ARHGEF38: variants seen among roughly 807,000 people sequenced by gnomAD.
ARHGEF38 encodes Rho guanine nucleotide exchange factor (GEF) 38.
Under a neutral mutation model 79.9 loss-of-function variants are expected in ARHGEF38, and 79 were observed. The observed-to-expected ratio is 0.99, with a 90% confidence interval of 0.82 to 1.19. The LOEUF is 1.19. Ranked by LOEUF, ARHGEF38 falls within the 50% of genes most tolerant of loss-of-function variation. The pLI, the probability that ARHGEF38 is intolerant of heterozygous loss-of-function variation, is 0.00. For synonymous variants in ARHGEF38, 366 were observed against 328.3 expected (o/e 1.11, Z -1.24); for missense variants, 962 against 907.2 (o/e 1.06, Z -0.78).
At chr4:105,630,423 T>C (rs1729134984) in intron 3 of ARHGEF38, among the ~76,000 whole-genome samples, 1 of 152,016 alleles carries the variant, frequency 6.6e-6, no homozygotes, top group African/African-American at 2.4e-5. Flanking sequence ...TTTGTATTTT[T>C]AGTAGAGACG....
Position 105,667,320 on chromosome 4 carries a change from C to T in ARHGEF38, c.1881C>T (p.Asp627=), listed in dbSNP as rs1730787692. The change falls in exon 12 of 14, where the codon GAC becomes GAT. Residue 627 remains aspartate, a synonymous_variant. Transcript: ENST00000420470. ...GGAGTACAAGCAGGTGGCTTGTGGA[C>T]ACAGGAAGTAAGTTTTTCCCCAGAA... is the stretch of plus-strand genomic sequence containing the variant. ...PLGSTSRWLV[D]TGNVKGYVYS... The T allele has an allele frequency of 1.3e-6, 2 of 1,535,602 alleles. No individual in the cohort carries two copies. The highest frequency in any genetic ancestry group is 3.9e-5 in the Admixed American group (2 of 50,944).
intron 2 of ARHGEF38, among the ~76,000 whole-genome samples, chr4:105,600,350 G>A (rs1213981464): frequency 1.3e-5 from 2 of 152,166 alleles, no homozygotes; most frequent in Non-Finnish European, 2.9e-5. Flanking sequence ...AGCAAAAGGA[G>A]GCACTCACTT....
chr4:105,568,124 A>G (rs1726030916), intron 1 of ARHGEF38, among the ~76,000 whole-genome samples: 1 of 151,542 alleles, frequency 6.6e-6, no homozygotes, highest in Non-Finnish European at 1.5e-5. Flanking sequence ...ATCATTTTTT[A>G]TGGCTGCATA....
intron 1 of ARHGEF38, among the ~76,000 whole-genome samples, chr4:105,557,118 G>C (rs936889815): frequency 6.6e-6 from 1 of 151,714 alleles, no homozygotes; most frequent in Non-Finnish European, 1.5e-5. Flanking sequence ...ACTCAGAAAG[G>C]GTTTCATAAA....
chr4:105,567,402 G>C (rs2866793), intron 1 of ARHGEF38, among the ~76,000 whole-genome samples: 127,152 of 152,206 alleles, frequency 0.84, 53,423 homozygotes, highest in South Asian at 0.93. Flanking sequence ...CATTAAAGCA[G>C]TTTTCACAGA....
chr4:105,615,635 A>G (rs1355495345), intron 3 of ARHGEF38, among the ~76,000 whole-genome samples: 1 of 152,112 alleles, frequency 6.6e-6, no homozygotes, highest in African/African-American at 2.4e-5. Context: ...CTTTTTAAAA[A>G]TTATTATTAT....
At chr4:105,560,950 A>G (rs766580115) in intron 1 of ARHGEF38, among the ~76,000 whole-genome samples, 1 of 152,178 alleles carries the variant, frequency 6.6e-6, no homozygotes, top group Non-Finnish European at 1.5e-5. Flanking sequence ...ATTCAATGGA[A>G]AGCTGACTCT....
chr4:105,561,400 T>TAGAATAGAATAGAATGGAATGGAATAG lies in ARHGEF38; in HGVS notation c.196+8440_196+8441insGAATAGAATAGAATGGAATGGAATAGA, dbSNP rs59437354. 4.3e-3 allele frequency among the ~76,000 whole-genome samples: 130 copies of TAGAATAGAATAGAATGGAATGGAATAG among 30,150 alleles called. 22 individuals carry two copies. The highest frequency in any genetic ancestry group is 0.016 in the African/African-American group (127 of 8,060). The allele number at this position is 30,150 out of a possible 152,430, so 19.8% of individuals were successfully genotyped here. A position where few individuals can be genotyped will look rare whatever the true frequency, so the allele number is the denominator to read the frequency against. On this transcript the variant is annotated intron_variant, in intron 1 of 13. Coordinates refer to ENST00000420470, the MANE Select transcript of ARHGEF38 (RefSeq NM_001242729.2). The stretch of plus-strand genomic sequence containing the variant: ...CTGGAGTCTCAAAAATAGAGTAGAA[T>TAGAATAGAATAGAATGGAATGGAATAG]AATAGAATAGAATAGAATAGAATGG...
At chr4:105,582,329 A>T (rs1726837449) in intron 1 of ARHGEF38, among the ~76,000 whole-genome samples, 1 of 149,932 alleles carries the variant, frequency 6.7e-6, no homozygotes, top group Non-Finnish European at 1.5e-5. Context: ...TTTAGTTAAG[A>T]GTCAAATCAT....
chr4:105,663,359 T>C lies in ARHGEF38; in HGVS notation c.1546-2818T>C, dbSNP rs10034948. ...ATTTACCATTATAAGAATTTTTAAG[T>C]GTACATTTCAGTAGTGTTAAGTATA... On this transcript the variant is annotated intron_variant, in intron 10 of 13. Transcript: ENST00000420470. Among the ~76,000 whole-genome samples the C allele has an allele frequency of 9.8e-3, 1,486 of 152,292 alleles. 32 individuals carry two copies. The highest frequency in any genetic ancestry group is 0.034 in the African/African-American group (1,402 of 41,570).
chr4:105,648,828 C>G, intron 7 of ARHGEF38, 146 bp downstream of exon 7: 1 of 633,550 alleles, frequency 1.6e-6, no homozygotes. Context: ...CCCTCTCTCT[C>G]TCTCTCTCTC....
chr4:105,601,111 C>G (rs1397079203), intron 2 of ARHGEF38, among the ~76,000 whole-genome samples: 3 of 152,100 alleles, frequency 2.0e-5, no homozygotes, highest in Non-Finnish European at 4.4e-5. Context: ...ATGACTTCCC[C>G]TCTCACTCTG....
intron 4 of ARHGEF38, among the ~76,000 whole-genome samples, chr4:105,632,262 G>C (rs1167531934): frequency 1.3e-5 from 2 of 152,096 alleles, no homozygotes; most frequent in Admixed American, 1.3e-4. Flanking sequence ...CTATGGAAAA[G>C]AATTCAAGTC....
Position 105,659,318 on chromosome 4 carries a change from A to C in ARHGEF38, c.1498A>C (p.Arg500=). 1 of 1,535,882 alleles carries C rather than the reference A, an allele frequency of 6.5e-7. No homozygotes were observed. Among genetic ancestry groups the C allele is most frequent in the Non-Finnish European group, 8.7e-7 (1 of 1,146,856 alleles). ...NCLCSFITLL[R]DLMLVAQQAY... is the part of the protein sequence containing the mutation. The stretch of plus-strand genomic sequence containing the variant: ...TCTATGCAGCTTCATTACCCTCCTT[A>C]GGGACCTGATGCTCGTGGCACAGCA... Residue 500 remains arginine, a synonymous_variant, in exon 10 of 14, where the codon AGG becomes CGG. Coordinates refer to ENST00000420470, the MANE Select transcript of ARHGEF38 (RefSeq NM_001242729.2).
intron 5 of ARHGEF38, among the ~76,000 whole-genome samples, chr4:105,642,108 G>T (rs1469527928): frequency 2.6e-5 from 4 of 152,138 alleles, no homozygotes; most frequent in African/African-American, 9.7e-5. Context: ...GGACTCATCT[G>T]CCTCGCATGG....
At chr4:105,558,117 C>CGA (rs572085097) in intron 1 of ARHGEF38, among the ~76,000 whole-genome samples, 1 of 151,950 alleles carries the variant, frequency 6.6e-6, no homozygotes, top group Non-Finnish European at 1.5e-5. Context: ...TAATATGGTG[C>CGA]GAAAGATGAA....
chr4:105,554,815 A>G (rs1391398494), intron 1 of ARHGEF38, among the ~76,000 whole-genome samples: 1 of 152,114 alleles, frequency 6.6e-6, no homozygotes, highest in African/African-American at 2.4e-5. Flanking sequence ...TAATGATAAA[A>G]CAGAACTTGC....
Position 105,645,323 on chromosome 4 carries a change from T to G in ARHGEF38, c.810T>G (p.Asp270Glu). ...ACCCAGATTACAGAGCACTGGACGA[T>G]GCCTTTGCTGCTGTGAAGGACATTA... ...PSHPDYRALDDAFAAVKDINV... is the reference protein window; with the variant it reads ...PSHPDYRALDEAFAAVKDINV... Residue 270 changes from aspartate (D) to glutamate (E), a missense_variant, in exon 6 of 14, where the codon GAT (aspartate) becomes GAG (glutamate). Coordinates refer to ENST00000420470, the MANE Select transcript of ARHGEF38 (RefSeq NM_001242729.2). The G allele has an allele frequency of 1.3e-6, 2 of 1,534,580 alleles. No individual in the cohort carries two copies.
intron 5 of ARHGEF38, among the ~76,000 whole-genome samples, chr4:105,639,380 C>T (rs1474824506): frequency 6.6e-6 from 1 of 151,896 alleles, no homozygotes; most frequent in East Asian, 1.9e-4. Flanking sequence ...TAAAATTTTA[C>T]GGAGCTAAAT....
Sources: gnomAD v4.1 joint callset for allele counts (sites outside exome capture counted in the v4.1 genomes callset) on GRCh38, gnomAD v4.1.1 for gene constraint, MANE v1.5 for transcripts, NCBI Gene and HGNC (gene_info 2026-07-23, HGNC 2026-07-21) for gene names.